ARHGAP21: variants seen among roughly 807,000 people sequenced by gnomAD.
ARHGAP21 encodes rho GTPase-activating protein 21.
Under a neutral mutation model 164.6 loss-of-function variants are expected in ARHGAP21, and 38 were observed. That is an observed-to-expected ratio of 0.23 (90% CI 0.18 to 0.30). The LOEUF is 0.30. Among genes scored for constraint, ARHGAP21 ranks in the 10% least tolerant of loss-of-function variants. The pLI is 1.00. For missense variants in ARHGAP21, 1,822 were observed against 2,370.7 expected, an observed-to-expected ratio of 0.77 and a Z score of 4.81; for synonymous variants, 766 against 857.9, an observed-to-expected ratio of 0.89 and a Z score of 1.87.
chr10:24,647,410 A>C (rs1003831908), intron 4 of ARHGAP21, among the ~76,000 whole-genome samples: 1 of 152,248 alleles, frequency 6.6e-6, no homozygotes, highest in Non-Finnish European at 1.5e-5. Context: ...CATAGCAGCT[A>C]TGGGAAACTG....
chr10:24,589,335 T>A, intron 24 of ARHGAP21, 33 bp from the exon 25 acceptor site: 1 of 1,584,704 alleles, frequency 6.3e-7, no homozygotes, highest in Non-Finnish European at 8.6e-7. Context: ...TGGTCAGTAT[T>A]AGCCAATCTT....
intron 4 of ARHGAP21, among the ~76,000 whole-genome samples, chr10:24,654,837 G>A (rs1259378382): frequency 2.6e-5 from 4 of 152,120 alleles, no homozygotes; most frequent in Non-Finnish European, 5.9e-5. Flanking sequence ...AAAGAACAAG[G>A]CTGGAGGCAT....
At chr10:24,612,951 G>T (rs2077332486) in intron 9 of ARHGAP21, among the ~76,000 whole-genome samples, 1 of 152,116 alleles carries the variant, frequency 6.6e-6, no homozygotes. Flanking sequence ...TAAATCAAAG[G>T]AGGTGAACGG....
At chr10:24,605,913 TAAATC>T (rs1173346148) in intron 11 of ARHGAP21, 5 of 152,086 alleles carry the variant, frequency 3.3e-5, no homozygotes, top group Non-Finnish European at 5.9e-5. Context: ...AATACACAGA[TAAATC>T]AACTGAATAG....
At chr10:24,619,400 C>T in intron 9 of ARHGAP21, 73 bp downstream of exon 9, 5 of 1,431,154 alleles carry the variant, frequency 3.5e-6, no homozygotes, top group Non-Finnish European at 4.8e-6. Flanking sequence ...GCCTATTGAA[C>T]TAGAAATAAT....
intron 14 of ARHGAP21, among the ~76,000 whole-genome samples, chr10:24,599,684 A>G (rs2076731113): frequency 6.6e-6 from 1 of 152,180 alleles, no homozygotes; most frequent in Non-Finnish European, 1.5e-5. Flanking sequence ...AAAATACTTG[A>G]GCAACTGCTA....
chr10:24,689,894 A>G (rs936209087), intron 2 of ARHGAP21, among the ~76,000 whole-genome samples: 6 of 143,464 alleles, frequency 4.2e-5, no homozygotes, highest in East Asian at 4.0e-4. Flanking sequence ...ATGTATATGT[A>G]TGTGTATATA....
At chr10:24,653,496 C>T (rs1251631706) in intron 4 of ARHGAP21, among the ~76,000 whole-genome samples, 1 of 152,028 alleles carries the variant, frequency 6.6e-6, no homozygotes, top group Non-Finnish European at 1.5e-5. Flanking sequence ...TGGTGTGAAC[C>T]CGGGAAGCGG....
rs769618517 is a variant in ARHGAP21, at chr10:24,620,987, T to C, written c.908A>G (p.Tyr303Cys). The change falls in exon 9 of 26, where the codon TAT (tyrosine) becomes TGT (cysteine). Residue 303 changes from tyrosine (Y) to cysteine (C), a missense_variant. Around this residue, in one of 5 missense-constraint regions of ARHGAP21, gnomAD observed 1,090 missense variants for 1,378.9 expected, o/e 0.79. Coordinates refer to ENST00000396432, the MANE Select transcript of ARHGAP21 (RefSeq NM_020824.4). ...TAAAGAGGTCTGCTCACTCACGCCATACCTCACTTCTTCAGTTCTATGTGA... is the reference window on the plus strand; with the variant it reads ...TAAAGAGGTCTGCTCACTCACGCCACACCTCACTTCTTCAGTTCTATGTGA... ...GPSHRTEEVR[Y>C]GVSEQTSLKT... 6 of 1,613,922 alleles carry C rather than the reference T, an allele frequency of 3.7e-6. No homozygotes were observed. The East Asian group carries it at 1.3e-4, about 36-fold the overall frequency.
chr10:24,597,348 G>T, intron 16 of ARHGAP21, 99 bp downstream of exon 16: 1 of 1,432,868 alleles, frequency 7.0e-7, no homozygotes, highest in Middle Eastern at 2.6e-4. Context: ...AGTTGACATG[G>T]GGCCTGGTCA....
intron 4 of ARHGAP21, among the ~76,000 whole-genome samples, chr10:24,666,315 C>CG (rs1840197302): frequency 6.6e-6 from 1 of 152,152 alleles, no homozygotes; most frequent in African/African-American, 2.4e-5. Flanking sequence ...CAGGCGTGAG[C>CG]GACTGCGCCC....
intron 2 of ARHGAP21, among the ~76,000 whole-genome samples, chr10:24,678,681 T>G (rs544262354): frequency 4.0e-4 from 61 of 152,204 alleles, no homozygotes; most frequent in African/African-American, 1.4e-3. Flanking sequence ...TGGTTTGTTT[T>G]GAGGGTTTTT....
At chr10:24,645,575 C>T (rs1368076629) in intron 4 of ARHGAP21, among the ~76,000 whole-genome samples, 1 of 141,690 alleles carries the variant, frequency 7.1e-6, no homozygotes, top group African/African-American at 2.7e-5. Context: ...TAGAGTGAGG[C>T]TCTGTCTCAG....
intron 12 of ARHGAP21, among the ~76,000 whole-genome samples, chr10:24,604,053 G>C (rs2076924135): frequency 6.6e-6 from 1 of 151,452 alleles, no homozygotes; most frequent in East Asian, 1.9e-4. Context: ...GGGGTGGGGT[G>C]GGGGGTGTTG....
intron 2 of ARHGAP21, among the ~76,000 whole-genome samples, chr10:24,677,626 G>C (rs951716392): frequency 6.6e-6 from 1 of 152,196 alleles, no homozygotes; most frequent in Non-Finnish European, 1.5e-5. Flanking sequence ...TAAGCCCCAA[G>C]CGACTGCAAA....
chr10:24,690,985 G>T (rs1238232199), intron 2 of ARHGAP21, among the ~76,000 whole-genome samples: 1 of 151,958 alleles, frequency 6.6e-6, no homozygotes, highest in Non-Finnish European at 1.5e-5. Flanking sequence ...GGTGTCATTG[G>T]TGTTCAGAAC....
rs755000024 is a variant in ARHGAP21, at chr10:24,586,043, C to G, written c.4246G>C (p.Ala1416Pro). 6.2e-7 allele frequency: 1 copy of G among 1,614,054 alleles called. No individual in the cohort carries two copies. Among genetic ancestry groups the G allele is most frequent in the South Asian group, 1.1e-5 (1 of 91,046 alleles). Residue 1416 changes from alanine to proline, a missense_variant, in exon 26 of 26, where the codon GCT (alanine) becomes CCT (proline). Transcript: ENST00000396432. ...GGCTTCTTCCTCTTGCGACTAGCAG[C>G]TGCAAAGATGGAGGACACAAGCAGT... ...RELLVSSIFA[A>P]ASRKRKKPKE...
chr10:24,625,050 T>TGG (rs57313842), intron 7 of ARHGAP21, among the ~76,000 whole-genome samples: 5 of 778 alleles, frequency 6.4e-3, no homozygotes, highest in East Asian at 0.056. Context: ...CTCTAAAAAG[T>TGG]GGGGGGGGGG....
chr10:24,621,123 C>A lies in ARHGAP21; in HGVS notation c.772G>T (p.Ala258Ser), dbSNP rs772276838. 2 of 1,613,746 alleles carry A rather than the reference C, an allele frequency of 1.2e-6. No homozygotes were observed. The highest frequency in any genetic ancestry group is 1.7e-6 in the Non-Finnish European group (2 of 1,179,706). The change falls in exon 9 of 26, where the codon GCA (alanine) becomes TCA (serine). Residue 258 changes from alanine to serine, a missense_variant. Ala to Ser is a moderately conservative substitution (Grantham distance 99, BLOSUM62 1). Coordinates refer to ENST00000396432, the MANE Select transcript of ARHGAP21 (RefSeq NM_020824.4). ...IQVPPSPTDVAKSNTAVCVCN... is the reference protein window; with the variant it reads ...IQVPPSPTDVSKSNTAVCVCN... ...ACACACACTGCTGTGTTTGATTTTG[C>A]AACATCTGTTGGTGATGGAGGCACT...
Sources: gnomAD v4.1 joint callset for allele counts (sites outside exome capture counted in the v4.1 genomes callset) on GRCh38, gnomAD v4.1.1 for gene constraint, gnomAD v4.1.1 regional missense constraint, MANE v1.5 for transcripts, NCBI Gene and HGNC (gene_info 2026-07-23, HGNC 2026-07-21) for gene names.